The following MRNIP variants were observed in gnomAD, a reference collection of about 807,000 sequenced individuals.
MRNIP encodes the protein MRN complex interacting protein.
A neutral mutation model predicts 29.8 loss-of-function variants in MRNIP; 30 were observed. The observed-to-expected ratio is 1.01, with a 90% CI of 0.75 to 1.36. The LOEUF is 1.36. Ranked by LOEUF, MRNIP falls within the 40% of genes most tolerant of loss-of-function variation. The pLI is 0.00. For synonymous variants in MRNIP, 201 were observed against 164.1 expected (o/e 1.23, Z -1.72); for missense variants, 459 against 423.5 (o/e 1.08, Z -0.74).
intron 4 of MRNIP, among the ~76,000 whole-genome samples, chr5:179,842,300 A>T (rs1758913879): frequency 6.6e-6 from 1 of 152,076 alleles, no homozygotes; most frequent in Admixed American, 6.6e-5. Flanking sequence ...GACTCATGAA[A>T]GTCTATGCTC....
intron 1 of MRNIP, among the ~76,000 whole-genome samples, chr5:179,855,693 G>A (rs1445451356): frequency 6.6e-6 from 1 of 152,084 alleles, no homozygotes; most frequent in African/African-American, 2.4e-5. Flanking sequence ...AGATGTCTAG[G>A]TTGATCCATT....
At chr5:179,844,078 C>A in intron 4 of MRNIP, 74 bp downstream of exon 4, 1 of 1,246,950 alleles carries the variant, frequency 8.0e-7, no homozygotes, top group Non-Finnish European at 1.2e-6. Flanking sequence ...GCTATAATGA[C>A]TACTGGATAC....
chr5:179,842,533 C>A (rs549118363), intron 4 of MRNIP, among the ~76,000 whole-genome samples: 33 of 131,766 alleles, frequency 2.5e-4, no homozygotes, highest in South Asian at 1.4e-3. Flanking sequence ...AAAACAACAA[C>A]AAAAAAAAAA....
rs189475887 is a variant in MRNIP at position 179,857,904 on chromosome 5, G to C, written c.66+827C>G. On this transcript the variant is annotated intron_variant, in intron 1 of 6. Coordinates refer to ENST00000292586, the MANE Select transcript of MRNIP (RefSeq NM_016175.4). ...GCGCATGCCTGTAATCCAGCTACTC[G>C]GGAGGCTGAGGCAGGAGAATTGCTT... Among the ~76,000 whole-genome samples, 7 of 151,912 alleles carry C rather than the reference G, an allele frequency of 4.6e-5. No homozygotes were observed. The East Asian group carries it at 7.8e-4, about 17-fold the overall frequency.
intron 1 of MRNIP, among the ~76,000 whole-genome samples, chr5:179,858,025 AAAGAAG>A (rs113834707): frequency 3.5e-4 from 50 of 143,348 alleles, no homozygotes; most frequent in East Asian, 6.4e-4. Flanking sequence ...AAAAAAAAAA[AAAGAAG>A]AAGAAGTCTG....
chr5:179,849,102 C>T (rs1178659894), intron 2 of MRNIP, among the ~76,000 whole-genome samples: 13 of 137,416 alleles, frequency 9.5e-5, no homozygotes, highest in African/African-American at 1.1e-4. Context: ...TGGTACGAGA[C>T]GGAATTTGAG....
At chr5:179,849,520 G>A (rs1759268475) in intron 2 of MRNIP, among the ~76,000 whole-genome samples, 1 of 145,942 alleles carries the variant, frequency 6.9e-6, no homozygotes, top group Non-Finnish European at 1.5e-5. Context: ...GTGACCATGG[G>A]TCCTGCTATG....
chr5:179,846,320 T>C (rs1759127849), intron 3 of MRNIP, among the ~76,000 whole-genome samples: 1 of 151,770 alleles, frequency 6.6e-6, no homozygotes, highest in Non-Finnish European at 1.5e-5. Context: ...AGTCTCACTC[T>C]ATTGGCAGGC....
At position 179,844,596 on chromosome 5, in the gene MRNIP, T is replaced by C. The variant is rs1056315548; in HGVS notation, c.216-369A>G. Among the ~76,000 whole-genome samples the C allele has an allele frequency of 3.3e-5, 5 of 152,060 alleles. No homozygotes were observed. The South Asian group carries it at 6.2e-4, about 19-fold the overall frequency. On this transcript the variant is annotated intron_variant, in intron 3 of 6. Transcript: ENST00000292586. ...CACCACTACGCCTGCCCTTTTTTTT[T>C]CTTCTTTTTATTGTAGAGACGGTTT...
At chr5:179,848,618 G>A (rs894386068) in intron 2 of MRNIP, among the ~76,000 whole-genome samples, 1 of 152,208 alleles carries the variant, frequency 6.6e-6, no homozygotes, top group African/African-American at 2.4e-5. Flanking sequence ...CAAGTGAGAA[G>A]AGACAGGAAA....
chr5:179,848,544 G>T (rs911867174), intron 2 of MRNIP, among the ~76,000 whole-genome samples: 2 of 152,100 alleles, frequency 1.3e-5, no homozygotes, highest in African/African-American at 4.8e-5. Flanking sequence ...TGTGTGCCAG[G>T]CCTCATCTTG....
intron 6 of MRNIP, 148 bp from the exon 7 acceptor site, chr5:179,838,033 G>T: frequency 1.4e-6 from 1 of 714,972 alleles, no homozygotes; most frequent in East Asian, 2.7e-5. Context: ...TTGATTTTGA[G>T]GGTTAGCAAG....
At chr5:179,858,543 C>T (rs1319653034) in intron 1 of MRNIP, among the ~76,000 whole-genome samples, 188 bp downstream of exon 1, 1 of 152,234 alleles carries the variant, frequency 6.6e-6, no homozygotes, top group African/African-American at 2.4e-5. Flanking sequence ...CTGGTTTGTA[C>T]AAGAACCAAA....
chr5:179,850,153 T>G (rs1277023896), intron 2 of MRNIP, among the ~76,000 whole-genome samples: 2 of 115,430 alleles, frequency 1.7e-5, no homozygotes, highest in East Asian at 2.5e-4. Context: ...GTTAAGAGCC[T>G]GAATTTGAGA....
At chr5:179,849,796 A>G (rs910208169) in intron 2 of MRNIP, among the ~76,000 whole-genome samples, 11 of 151,614 alleles carry the variant, frequency 7.3e-5, no homozygotes, top group African/African-American at 2.7e-4. Flanking sequence ...GGCAGATGGT[A>G]AGAGATGGAA....
chr5:179,853,375 C>A lies in MRNIP; in HGVS notation c.126+3G>T. 6.2e-7 allele frequency: 1 copy of A among 1,612,494 alleles called. No individual in the cohort carries two copies. The highest frequency in any genetic ancestry group is 1.1e-5 in the South Asian group (1 of 91,068). On this transcript the variant is annotated splice_donor_region_variant and intron_variant, in intron 2 of 6. Transcript: ENST00000292586. ...CACTTGCTTTCTGTTTTGTAGGACT[C>A]ACCTGCAAAAAGGACTGCTTCTCTC... is the stretch of plus-strand genomic sequence containing the variant.
rs759464080 is a variant in MRNIP, at chr5:179,844,407, C to G, written c.216-180G>C. The G allele has an allele frequency of 1.1e-3, 580 of 522,090 alleles. 1 individual carries two copies. Among genetic ancestry groups the G allele is most frequent in the Non-Finnish European group, 1.6e-3 (473 of 292,246 alleles). 32.3% of individuals were successfully genotyped at this position (522,090 alleles called of 1,614,324 possible). A position where few individuals can be genotyped will look rare whatever the true frequency, so the allele number is the denominator to read the frequency against. ...CCTATATTCCCAGCTACTCAGGAGG[C>G]TGAGGCAGATAATGTTTGAACCCGG... On this transcript the variant is annotated intron_variant, in intron 3 of 6. Transcript: ENST00000292586.
At chr5:179,849,964 G>A (rs1485053940) in intron 2 of MRNIP, among the ~76,000 whole-genome samples, 1 of 147,172 alleles carries the variant, frequency 6.8e-6, no homozygotes, top group Non-Finnish European at 1.5e-5. Flanking sequence ...GAATTTGAGA[G>A]TACGGGTCCC....
chr5:179,840,619 T>G (rs1233502927), intron 6 of MRNIP: 9 of 567,228 alleles, frequency 1.6e-5, no homozygotes. Context: ...CTGGCCAACC[T>G]CAGTTTCTCC....
Sources: allele counts gnomAD v4.1 joint callset (sites outside exome capture counted in the v4.1 genomes callset), GRCh38; gene constraint gnomAD v4.1.1; transcripts MANE v1.5; gene names NCBI Gene and HGNC (gene_info 2026-07-23, HGNC 2026-07-21).